SLC7A14: variants seen among roughly 807,000 people sequenced by gnomAD.
The protein encoded by SLC7A14 is gamma-aminobutyric acid transporter SLC7A14.
SLC7A14 carries 37 observed loss-of-function variants against 60.2 expected under a neutral mutation model. The ratio of observed to expected loss-of-function variants is 0.61; its 90% CI spans 0.47 to 0.81. The LOEUF (loss-of-function observed/expected upper bound fraction) is 0.81. Among genes scored for constraint, SLC7A14 ranks in the 30% least tolerant of loss-of-function variants. SLC7A14 has a pLI of 0.00. For synonymous variants in SLC7A14, 399 were observed against 395.8 expected, an observed-to-expected ratio of 1.01 and a Z score of -0.10; for missense variants, 886 against 982.7, an observed-to-expected ratio of 0.90 and a Z score of 1.32.
Position 170,465,965 on chromosome 3 carries a change from G to C in SLC7A14, c.*1090C>G, listed in dbSNP as rs1560244837. The C allele has an allele frequency of 6.6e-6, 1 of 152,124 alleles. No individual in the cohort carries two copies. 9.4% of individuals were successfully genotyped at this position (152,124 alleles called of 1,614,324 possible). A position where few individuals can be genotyped will look rare whatever the true frequency, so the allele number is the denominator to read the frequency against. ...AAAAAAAATACACCTCTGAAAGTGA[G>C]CTAGCCCCAAGGAATAAGGTTCAGA... On this transcript the variant is annotated 3_prime_UTR_variant, in exon 8 of 8. Coordinates refer to ENST00000231706, the MANE Select transcript of SLC7A14 (RefSeq NM_020949.3).
intron 7 of SLC7A14, among the ~76,000 whole-genome samples, chr3:170,476,172 T>C (rs887334466): frequency 1.3e-5 from 2 of 152,218 alleles, no homozygotes; most frequent in Admixed American, 6.5e-5. Flanking sequence ...ACCAGACCAA[T>C]TGAATCAGAA....
chr3:170,566,122 A>C (rs1714780705), intron 1 of SLC7A14, among the ~76,000 whole-genome samples: 1 of 152,158 alleles, frequency 6.6e-6, no homozygotes, highest in Non-Finnish European at 1.5e-5. Context: ...GTGTGAGGTG[A>C]GGCTAACACA....
intron 4 of SLC7A14, chr3:170,496,149 T>C (rs541925447): frequency 5.8e-4 from 537 of 933,842 alleles, no homozygotes; most frequent in Non-Finnish European, 8.6e-4. Context: ...GTCCCAGATC[T>C]CGGGCACGTC....
At chr3:170,518,947 T>C (rs1022823071) in intron 2 of SLC7A14, among the ~76,000 whole-genome samples, 2 of 152,164 alleles carry the variant, frequency 1.3e-5, no homozygotes, top group African/African-American at 4.8e-5. Context: ...TTTGCTGGGA[T>C]TGACTGTACT....
chr3:170,485,325 TTAGC>T (rs1711988413), intron 5 of SLC7A14, among the ~76,000 whole-genome samples: 2 of 152,220 alleles, frequency 1.3e-5, no homozygotes, highest in Non-Finnish European at 2.9e-5. Flanking sequence ...TCTGGCTTCC[TTAGC>T]TAGTTGCTAA....
rs747085053 is a variant in SLC7A14, at chr3:170,526,658, A to C, written c.279T>G (p.Ile93Met). The change falls in exon 2 of 8, where the codon ATT becomes ATG. Residue 93 changes from isoleucine (I) to methionine (M), a missense_variant. Physicochemically the swap from Ile to Met is conservative, Grantham distance 10. Coordinates refer to ENST00000231706, the MANE Select transcript of SLC7A14 (RefSeq NM_020949.3). ...CTGATAATATGGATGCGACGGCTGC[A>C]ATGATGAAGGACACAATGACACCAG... ...AGPGVIVSFI[I>M]AAVASILSGV... The C allele has an allele frequency of 6.2e-7, 1 of 1,614,218 alleles. No individual in the cohort carries two copies. Among genetic ancestry groups the C allele is most frequent in the South Asian group, 1.1e-5 (1 of 91,084 alleles).
At chr3:170,508,235 C>T (rs1712846908) in intron 2 of SLC7A14, among the ~76,000 whole-genome samples, 1 of 152,120 alleles carries the variant, frequency 6.6e-6, no homozygotes, top group South Asian at 2.1e-4. Flanking sequence ...ACCAACCAAC[C>T]AGAAAGACTG....
chr3:170,547,384 T>C (rs1188362170), intron 1 of SLC7A14, among the ~76,000 whole-genome samples: 2 of 152,202 alleles, frequency 1.3e-5, no homozygotes, highest in African/African-American at 4.8e-5. Flanking sequence ...AACTTTTGAC[T>C]CTCCAAAAAC....
In SLC7A14 at chr3:170,585,972, AC is replaced by A. The variant is rs1715375752; in HGVS notation, c.-215del. ...GGCTGGTGGCTGGCAGTCCGCACTT[AC>A]TGCGCGGAGCTGTCTCTCTAGCTGG... On this transcript the variant is annotated 5_prime_UTR_variant, in exon 1 of 8. Transcript: ENST00000231706. This position sits in a 1 kb window ranked among gnomAD's most constrained non-coding sequence, Gnocchi z 5.1. The A allele has an allele frequency of 6.5e-6, 1 of 153,018 alleles. No homozygotes were observed. Among genetic ancestry groups the A allele is most frequent in the Admixed American group, 6.5e-5 (1 of 15,286 alleles). The allele number at this position is 153,018 out of a possible 1,614,324, so 9.5% of individuals were successfully genotyped here.
At chr3:170,566,927 G>T (rs1265489979) in intron 1 of SLC7A14, among the ~76,000 whole-genome samples, 1 of 152,028 alleles carries the variant, frequency 6.6e-6, no homozygotes, top group Non-Finnish European at 1.5e-5. Context: ...TGAGAGATAT[G>T]ATGCAGTCAT....
In SLC7A14 at chr3:170,463,858, C is replaced by T. The variant is rs1297837730; in HGVS notation, c.*3197G>A. On this transcript the variant is annotated 3_prime_UTR_variant, in exon 8 of 8. Transcript: ENST00000231706. Reference sequence around the variant, plus strand: ...TTGAATACACACTATATGCCAGGCACATGTAGCTAGCAAAATCTAGGTTTG... The same window carrying T: ...TTGAATACACACTATATGCCAGGCATATGTAGCTAGCAAAATCTAGGTTTG... 1 of 152,200 alleles carries T rather than the reference C, an allele frequency of 6.6e-6. No homozygotes were observed. The highest frequency in any genetic ancestry group is 1.5e-5 in the Non-Finnish European group (1 of 68,042). The allele number at this position is 152,200 out of a possible 1,614,324, so 9.4% of individuals were successfully genotyped here.
At chr3:170,564,410 A>G (rs1307832843) in intron 1 of SLC7A14, among the ~76,000 whole-genome samples, 1 of 152,234 alleles carries the variant, frequency 6.6e-6, no homozygotes, top group East Asian at 1.9e-4. Context: ...TGGATCTGAC[A>G]CTGTCATTTC....
rs1450240540 is a variant in SLC7A14, at chr3:170,486,847, C to T, written c.760-479G>A. Among the ~76,000 whole-genome samples the T allele has an allele frequency of 1.1e-4, 15 of 141,172 alleles. No individual in the cohort carries two copies. In the East Asian group the frequency reaches 1.9e-3, roughly 18 times the overall value. The allele number at this position is 141,172 out of a possible 152,430, so 92.6% of individuals were successfully genotyped here. A position where few individuals can be genotyped will look rare whatever the true frequency, so the allele number is the denominator to read the frequency against. ...AGATCGCGCCATTGCACTCCAGCCTCGGCGACAGAGGGAGACTCCATCTCA... is the reference window on the plus strand; with the variant it reads ...AGATCGCGCCATTGCACTCCAGCCTTGGCGACAGAGGGAGACTCCATCTCA... On this transcript the variant is annotated intron_variant, in intron 4 of 7. Coordinates refer to ENST00000231706, the MANE Select transcript of SLC7A14 (RefSeq NM_020949.3).
At chr3:170,494,987 G>A (rs532509806) in intron 4 of SLC7A14, among the ~76,000 whole-genome samples, 2 of 152,268 alleles carry the variant, frequency 1.3e-5, no homozygotes, top group Admixed American at 6.5e-5. Flanking sequence ...GGTCAGTTTC[G>A]CAGCCTCTAT....
In SLC7A14 at chr3:170,527,206, A is replaced by G. The variant is rs11915593; in HGVS notation, c.-152-118T>C. 2.3e-5 allele frequency: 11 copies of G among 484,906 alleles called. No homozygotes were observed. In the Admixed American group the frequency reaches 3.7e-4, roughly 16 times the overall value. The allele number at this position is 484,906 out of a possible 1,614,324, so 30.0% of individuals were successfully genotyped here. On this transcript the variant is annotated intron_variant, in intron 1 of 7. Coordinates refer to ENST00000231706, the MANE Select transcript of SLC7A14 (RefSeq NM_020949.3). ...GTAGAACTGGTCTACCCGTGTGCTC[A>G]TAACACGGAAGGGTTCCATGGTTCC...
Position 170,467,453 on chromosome 3 carries a change from C to T in SLC7A14, c.1994-76G>A, listed in dbSNP as rs1460568237. 8 of 912,192 alleles carry T rather than the reference C, an allele frequency of 8.8e-6. No homozygotes were observed. In the East Asian group the frequency reaches 2.3e-4, roughly 26 times the overall value. 56.5% of individuals were successfully genotyped at this position (912,192 alleles called of 1,614,324 possible). On this transcript the variant is annotated intron_variant, in intron 7 of 7. Transcript: ENST00000231706. ...CTGGGACTAGCAGAGAGATCACCTTCAGTGATGAAATCAAAGCTGGCGGGG... is the reference window on the plus strand; with the variant it reads ...CTGGGACTAGCAGAGAGATCACCTTTAGTGATGAAATCAAAGCTGGCGGGG...
At chr3:170,550,742 G>A (rs973929674) in intron 1 of SLC7A14, among the ~76,000 whole-genome samples, 5 of 151,464 alleles carry the variant, frequency 3.3e-5, no homozygotes, top group African/African-American at 1.2e-4. Flanking sequence ...GGCTGGTCTC[G>A]AACTCCTGAC....
Position 170,480,444 on chromosome 3 carries a change from A to G in SLC7A14, c.1838T>C (p.Phe613Ser). ...LMVLLISTLV[F>S]VILQQPENPK... Reference sequence around the variant, plus strand: ...GTTCTCTGGCTGCTGCAGGATCACAAACACCAGGGTGCTGATCAGCAGCAC... The same window carrying G: ...GTTCTCTGGCTGCTGCAGGATCACAGACACCAGGGTGCTGATCAGCAGCAC... The change falls in exon 7 of 8, where the codon TTT becomes TCT. Residue 613 changes from phenylalanine to serine, a missense_variant. Physicochemically the swap from Phe to Ser is radical, Grantham distance 155. Coordinates refer to ENST00000231706, the MANE Select transcript of SLC7A14 (RefSeq NM_020949.3). 1.2e-6 allele frequency: 2 copies of G among 1,613,670 alleles called. No individual in the cohort carries two copies. The highest frequency in any genetic ancestry group is 1.7e-6 in the Non-Finnish European group (2 of 1,179,642).
At chr3:170,522,118 A>T (rs1463599508) in intron 2 of SLC7A14, among the ~76,000 whole-genome samples, 1 of 152,192 alleles carries the variant, frequency 6.6e-6, no homozygotes. Context: ...CAAAAAACAA[A>T]ACAACCATGA....
Sources: gnomAD v4.1 joint callset for allele counts (sites outside exome capture counted in the v4.1 genomes callset) on GRCh38, gnomAD v4.1.1 for gene constraint, Gnocchi (gnomAD v3.1) non-coding constraint, MANE v1.5 for transcripts, NCBI Gene and HGNC (gene_info 2026-07-23, HGNC 2026-07-21) for gene names.